ARL8B: variants seen among roughly 807,000 people sequenced by gnomAD.
The protein encoded by ARL8B is ARF like GTPase 8B, also known as ADP-ribosylation factor-like protein 8B.
ARL8B carries 9 observed loss-of-function variants against 30.6 expected under a neutral mutation model. The ratio of observed to expected loss-of-function variants is 0.29; its 90% CI spans 0.18 to 0.51. The LOEUF is 0.51. ARL8B is among the 20% of genes least tolerant of loss of function. ARL8B has a pLI of 0.97. For synonymous variants in ARL8B, 74 were observed against 76.0 expected (o/e 0.97, Z 0.14); for missense variants, 130 against 227.2 (o/e 0.57, Z 2.75).
chr3:5,172,587 C>T (rs1040930546), intron 3 of ARL8B, 60 bp from the exon 4 acceptor site: 12 of 1,077,878 alleles, frequency 1.1e-5, no homozygotes, highest in Admixed American at 2.0e-5. Flanking sequence ...ATCAATAATA[C>T]TAGTTGTCAT....
intron 1 of ARL8B, among the ~76,000 whole-genome samples, chr3:5,126,116 A>C (rs2054228025): frequency 7.2e-6 from 1 of 139,730 alleles, no homozygotes; most frequent in Non-Finnish European, 1.5e-5. Flanking sequence ...TGAATTTCAT[A>C]CTTTTTTTTT....
intron 1 of ARL8B, among the ~76,000 whole-genome samples, chr3:5,165,422 T>C (rs960761742): frequency 6.6e-6 from 1 of 152,178 alleles, no homozygotes; most frequent in Admixed American, 6.5e-5. Context: ...ATGACTAATT[T>C]GGGTATTTAG....
chr3:5,138,103 A>C (rs1346289871), intron 1 of ARL8B, among the ~76,000 whole-genome samples: 1 of 147,180 alleles, frequency 6.8e-6, no homozygotes, highest in East Asian at 2.0e-4. Context: ...TGAAAAATTT[A>C]CTGGTTTATT....
In ARL8B at chr3:5,170,500, C is replaced by A; in HGVS notation, c.124-3C>A. On this transcript the variant is annotated splice_region_variant and splice_polypyrimidine_tract_variant and intron_variant, in intron 1 of 6. Transcript: ENST00000256496. ...CTAACTTCAAATGTTTTATTTTGTT[C>A]AGTCAGGTCAATTCAGTGAAGATAT... 1 of 1,603,470 alleles carries A rather than the reference C, an allele frequency of 6.2e-7. No homozygotes were observed. The highest frequency in any genetic ancestry group is 8.5e-7 in the Non-Finnish European group (1 of 1,174,386).
In ARL8B at chr3:5,178,655, T is replaced by C. The variant is rs760718438; in HGVS notation, c.512-9T>C. 1 of 1,600,432 alleles carries C rather than the reference T, an allele frequency of 6.2e-7. No homozygotes were observed. Among genetic ancestry groups the C allele is most frequent in the South Asian group, 1.1e-5 (1 of 88,500 alleles). On this transcript the variant is annotated splice_polypyrimidine_tract_variant and intron_variant, in intron 6 of 6. Coordinates refer to ENST00000256496, the MANE Select transcript of ARL8B (RefSeq NM_018184.3). ...CTTTAATGTCTTCACTTTTCCCCTC[T>C]ATCTTTAGATATCACACTTCAGTGG...
rs149983285 is a variant in ARL8B at position 5,125,021 on chromosome 3, T to C, written c.123+2433T>C. On this transcript the variant is annotated intron_variant, in intron 1 of 6. Coordinates refer to ENST00000256496, the MANE Select transcript of ARL8B (RefSeq NM_018184.3). ...TTGAGAAACTTCTTGGTGATTTTTA[T>C]GCTTCTGTTTTCAGTAGACAGTGTA... Among the ~76,000 whole-genome samples the C allele has an allele frequency of 1.5e-4, 23 of 152,370 alleles. No homozygotes were observed. In the East Asian group the frequency reaches 4.0e-3, roughly 27 times the overall value.
intron 1 of ARL8B, among the ~76,000 whole-genome samples, chr3:5,122,939 A>G (rs1474696978): frequency 1.3e-5 from 2 of 152,190 alleles, no homozygotes; most frequent in African/African-American, 4.8e-5. Context: ...GGGGCAGCCA[A>G]AGAGTTAAGT....
intron 1 of ARL8B, among the ~76,000 whole-genome samples, chr3:5,153,731 C>G (rs1026795279): frequency 2.0e-5 from 3 of 152,066 alleles, no homozygotes; most frequent in African/African-American, 7.2e-5. Context: ...CTTTTGATTT[C>G]TCTTCATTTT....
At chr3:5,130,156 A>T (rs1332337414) in intron 1 of ARL8B, among the ~76,000 whole-genome samples, 1 of 151,652 alleles carries the variant, frequency 6.6e-6, no homozygotes, top group Non-Finnish European at 1.5e-5. Context: ...GAGCCACTGC[A>T]CCTGACCAAG....
intron 1 of ARL8B, among the ~76,000 whole-genome samples, chr3:5,164,362 G>T (rs1250379828): frequency 6.6e-6 from 1 of 152,118 alleles, no homozygotes; most frequent in Non-Finnish European, 1.5e-5. Context: ...GTTTTGAGAT[G>T]CACTTGATAT....
chr3:5,178,039 A>T (rs1160645849), intron 6 of ARL8B, among the ~76,000 whole-genome samples: 1 of 152,138 alleles, frequency 6.6e-6, no homozygotes, highest in East Asian at 1.9e-4. Context: ...GGTGCTTCTG[A>T]TAGACTCTCA....
At chr3:5,170,154 GT>G (rs1431487715) in intron 1 of ARL8B, among the ~76,000 whole-genome samples, 1 of 152,188 alleles carries the variant, frequency 6.6e-6, no homozygotes, top group Admixed American at 6.5e-5. Context: ...AATGCTGAAA[GT>G]TTTATTTCTG....
intron 6 of ARL8B, among the ~76,000 whole-genome samples, chr3:5,175,089 G>A (rs554487039): frequency 1.7e-3 from 260 of 151,952 alleles, no homozygotes; most frequent in African/African-American, 5.6e-3. Context: ...GTGTGAGCCC[G>A]GCCTATATGT....
chr3:5,172,539 T>G, intron 3 of ARL8B, 108 bp from the exon 4 acceptor site: 1 of 784,582 alleles, frequency 1.3e-6, no homozygotes, highest in East Asian at 2.7e-5. Flanking sequence ...TTATTTTGGT[T>G]AATAATTTCA....
chr3:5,169,879 G>A lies in ARL8B; in HGVS notation c.124-624G>A, dbSNP rs559136011. Among the ~76,000 whole-genome samples, 124 of 152,326 alleles carry A rather than the reference G, an allele frequency of 8.1e-4. 1 individual carries two copies. Among genetic ancestry groups the A allele is most frequent in the African/African-American group, 2.9e-3 (121 of 41,566 alleles). On this transcript the variant is annotated intron_variant, in intron 1 of 6. Coordinates refer to ENST00000256496, the MANE Select transcript of ARL8B (RefSeq NM_018184.3). The stretch of plus-strand genomic sequence containing the variant: ...AACAGTTAAAAGAGGCACAATTCGA[G>A]TTCTGTATAGGAAGTTATTTGTACA...
chr3:5,176,510 G>A (rs1009025128), intron 6 of ARL8B, among the ~76,000 whole-genome samples: 5 of 152,160 alleles, frequency 3.3e-5, no homozygotes, highest in Admixed American at 1.3e-4. Flanking sequence ...AGATTGACAG[G>A]CATGAGCCAC....
rs146110972 is a variant in ARL8B at position 5,134,878 on chromosome 3, C to T, written c.123+12290C>T. On this transcript the variant is annotated intron_variant, in intron 1 of 6. Coordinates refer to ENST00000256496, the MANE Select transcript of ARL8B (RefSeq NM_018184.3). ...CATTCTTTTTGTTGAGATGGAGTCT[C>T]GCTCTGTCTCCCAGGCTGGAGTACA... Among the ~76,000 whole-genome samples, 1,195 of 152,286 alleles carry T rather than the reference C, an allele frequency of 7.8e-3. 12 individuals carry two copies. Among genetic ancestry groups the T allele is most frequent in the African/African-American group, 0.028 (1,148 of 41,554 alleles).
chr3:5,168,276 A>C (rs1575573557), intron 1 of ARL8B, among the ~76,000 whole-genome samples: 2 of 152,112 alleles, frequency 1.3e-5, no homozygotes, highest in African/African-American at 4.8e-5. Flanking sequence ...TTGCCGTGTC[A>C]CCCAGGCTAG....
At position 5,158,690 on chromosome 3, in the gene ARL8B, G is replaced by A. The variant is rs555011233; in HGVS notation, c.124-11813G>A. Among the ~76,000 whole-genome samples the A allele has an allele frequency of 2.4e-4, 36 of 152,084 alleles. 1 individual carries two copies. The highest frequency in any genetic ancestry group is 2.0e-3 in the Admixed American group (31 of 15,282). On this transcript the variant is annotated intron_variant, in intron 1 of 6. Transcript: ENST00000256496. ...ATTTATTACCTGAAAAAATGAACAGGGTCTCTTAGAGTAATTCGAGAGCCA... is the reference window on the plus strand; with the variant it reads ...ATTTATTACCTGAAAAAATGAACAGAGTCTCTTAGAGTAATTCGAGAGCCA...
Sources: allele counts gnomAD v4.1 joint callset (sites outside exome capture counted in the v4.1 genomes callset), GRCh38; gene constraint gnomAD v4.1.1; transcripts MANE v1.5; gene names NCBI Gene and HGNC (gene_info 2026-07-23, HGNC 2026-07-21).